Variants in SCUBE1 observed in about 807,000 individuals in gnomAD.
SCUBE1 encodes the protein signal peptide, CUB and EGF-like domain-containing protein 1.
A neutral mutation model predicts 124.4 loss-of-function variants in SCUBE1; 59 were observed. The observed-to-expected ratio is 0.47, with a 90% CI of 0.38 to 0.59. SCUBE1 has a LOEUF of 0.59. Ranked by LOEUF, SCUBE1 falls within the 20% of genes least tolerant of loss-of-function variation. SCUBE1 has a pLI of 0.00. For synonymous variants in SCUBE1, 545 were observed against 550.9 expected (o/e 0.99, Z 0.15); for missense variants, 1,150 against 1,371.2 (o/e 0.84, Z 2.55).
rs151314450 is a variant in SCUBE1, at chr22:43,231,969, C to G, written c.845-94G>C. 7.5e-4 allele frequency: 1,130 copies of G among 1,506,822 alleles called. 9 individuals carry two copies. The African/African-American group carries it at 0.014, about 19-fold the overall frequency. The allele number at this position is 1,506,822 out of a possible 1,614,324, so 93.3% of individuals were successfully genotyped here. A position where few individuals can be genotyped will look rare whatever the true frequency, so the allele number is the denominator to read the frequency against. ...GGCAGGCTAGCGGCAGGGGATGACACTGCCCTGAGTTGCCTGGTGCCCACT... is the reference window on the plus strand; with the variant it reads ...GGCAGGCTAGCGGCAGGGGATGACAGTGCCCTGAGTTGCCTGGTGCCCACT... On this transcript the variant is annotated intron_variant, in intron 7 of 21. Coordinates refer to ENST00000360835, the MANE Select transcript of SCUBE1 (RefSeq NM_173050.5).
rs1184554126 is a variant in SCUBE1, at chr22:43,202,072, T to C, written c.*1925A>G. 6.6e-6 allele frequency: 1 copy of C among 152,184 alleles called. No homozygotes were observed. Among genetic ancestry groups the C allele is most frequent in the Non-Finnish European group, 1.5e-5 (1 of 68,046 alleles). The allele number at this position is 152,184 out of a possible 1,614,324, so 9.4% of individuals were successfully genotyped here. A position where few individuals can be genotyped will look rare whatever the true frequency, so the allele number is the denominator to read the frequency against. ...GGCTCCACTCTCTCTCCGACTTGAG[T>C]TGGACTTCAGCAGAGAAGGCAGCTG... On this transcript the variant is annotated 3_prime_UTR_variant, in exon 22 of 22. Transcript: ENST00000360835.
intron 2 of SCUBE1, among the ~76,000 whole-genome samples, chr22:43,327,050 G>T (rs1926749562): frequency 6.6e-6 from 1 of 152,202 alleles, no homozygotes; most frequent in African/African-American, 2.4e-5. Context: ...TCAGAAACGA[G>T]CAGAGCCCGA....
chr22:43,291,709 C>T (rs1200533265), intron 3 of SCUBE1, among the ~76,000 whole-genome samples: 1 of 152,152 alleles, frequency 6.6e-6, no homozygotes, highest in Non-Finnish European at 1.5e-5. Flanking sequence ...GAGAGCAAGT[C>T]CTGGAAAGAG....
chr22:43,210,047 C>G lies in SCUBE1; in HGVS notation c.2577G>C (p.Lys859Asn). Reference sequence around the variant, plus strand: ...TCCCCTCGGCCCCCAACATACCACTCTTCCTCATGACCAGAACATCGCCGC... The same window carrying G: ...TCCCCTCGGCCCCCAACATACCACTGTTCCTCATGACCAGAACATCGCCGC... ...DECGDVLVMR[K>N]SASPTSITTY... Residue 859 changes from lysine to asparagine, a missense_variant, in exon 19 of 22, where the codon AAG becomes AAC. Around this residue, in one of 3 missense-constraint regions of SCUBE1, gnomAD observed 757 missense variants for 840.9 expected, o/e 0.90. Transcript: ENST00000360835. The surrounding 1 kb of genome is among the most constrained non-coding windows in gnomAD (Gnocchi z 4.5). The G allele has an allele frequency of 2.5e-6, 4 of 1,604,718 alleles. No homozygotes were observed. The highest frequency in any genetic ancestry group is 3.4e-6 in the Non-Finnish European group (4 of 1,175,224).
intron 3 of SCUBE1, among the ~76,000 whole-genome samples, chr22:43,293,244 T>A (rs569333681): frequency 6.6e-6 from 1 of 152,174 alleles, no homozygotes; most frequent in Non-Finnish European, 1.5e-5. Context: ...TGTGAGTGTT[T>A]ATTATGTGTT....
At chr22:43,270,590 C>T (rs1380034400) in intron 4 of SCUBE1, 1 of 152,276 alleles carries the variant, frequency 6.6e-6, no homozygotes, top group African/African-American at 2.4e-5. Context: ...AAGCCAAGGC[C>T]TGGCAGAGAC....
chr22:43,267,042 A>G (rs1924096877), intron 4 of SCUBE1, among the ~76,000 whole-genome samples: 1 of 152,200 alleles, frequency 6.6e-6, no homozygotes, highest in Non-Finnish European at 1.5e-5. Flanking sequence ...CGAGGTGACA[A>G]TATCGAGGGA....
Position 43,232,038 on chromosome 22 carries a change from G to A in SCUBE1, c.845-163C>T, listed in dbSNP as rs931003039. On this transcript the variant is annotated intron_variant, in intron 7 of 21. Coordinates refer to ENST00000360835, the MANE Select transcript of SCUBE1 (RefSeq NM_173050.5). ...CTCCCCAGCTGTGCAGAGGGGTGGG[G>A]GCCCTGTCTCGCAGGGGTCAGGGTC... 1.2e-4 allele frequency: 91 copies of A among 734,468 alleles called. 2 individuals carry two copies. The South Asian group carries it at 1.5e-3, about 12-fold the overall frequency. The allele number at this position is 734,468 out of a possible 1,614,324, so 45.5% of individuals were successfully genotyped here. A position where few individuals can be genotyped will look rare whatever the true frequency, so the allele number is the denominator to read the frequency against.
At chr22:43,278,721 C>T (rs902053825) in intron 4 of SCUBE1, among the ~76,000 whole-genome samples, 4 of 152,316 alleles carry the variant, frequency 2.6e-5, no homozygotes, top group South Asian at 2.1e-4. Context: ...AGAATCCAGC[C>T]CCTGATCCTG....
At chr22:43,315,758 AG>A (rs1019265945) in intron 3 of SCUBE1, among the ~76,000 whole-genome samples, 5 of 45,570 alleles carry the variant, frequency 1.1e-4, no homozygotes, top group South Asian at 7.3e-4. Context: ...GGGGCGGGGG[AG>A]GGGGGGAACC....
chr22:43,262,878 A>C, intron 4 of SCUBE1, 33 bp from the exon 5 acceptor site: 1 of 1,595,922 alleles, frequency 6.3e-7, no homozygotes, highest in South Asian at 1.1e-5. Context: ...GACGGGTTGA[A>C]GACCAGGCAG....
chr22:43,323,873 G>A (rs1257421290), intron 2 of SCUBE1, among the ~76,000 whole-genome samples: 1 of 152,132 alleles, frequency 6.6e-6, no homozygotes, highest in Non-Finnish European at 1.5e-5. Flanking sequence ...AAATAAATGA[G>A]GGTTGAAGAA....
At chr22:43,241,929 G>C (rs567106776) in intron 6 of SCUBE1, among the ~76,000 whole-genome samples, 1 of 152,240 alleles carries the variant, frequency 6.6e-6, no homozygotes, top group Non-Finnish European at 1.5e-5. Context: ...CCTTGGGCCC[G>C]CCCTCACCTC....
chr22:43,245,353 T>A, intron 6 of SCUBE1, among the ~76,000 whole-genome samples: 1 of 152,304 alleles, frequency 6.6e-6, no homozygotes, highest in East Asian at 1.9e-4. Context: ...ACTGGGCAAA[T>A]GGTCAATCCT....
intron 4 of SCUBE1, among the ~76,000 whole-genome samples, chr22:43,266,894 C>T (rs1227577804): frequency 6.6e-6 from 1 of 152,220 alleles, no homozygotes; most frequent in African/African-American, 2.4e-5. Flanking sequence ...CCTCTTTTGA[C>T]CTTCCACGGC....
Position 43,237,504 on chromosome 22 carries a change from G to A in SCUBE1, c.844+1334C>T, listed in dbSNP as rs190191316. On this transcript the variant is annotated intron_variant, in intron 7 of 21. Transcript: ENST00000360835. ...GTCACTCCTGGCACTGAGTCATGTG[G>A]CGAGGACTCAGATGCCACCCACCTG... 4 of 152,326 alleles carry A rather than the reference G, an allele frequency of 2.6e-5. No individual in the cohort carries two copies. In the East Asian group the frequency reaches 7.7e-4, roughly 29 times the overall value. The allele number at this position is 152,326 out of a possible 1,614,324, so 9.4% of individuals were successfully genotyped here. A position where few individuals can be genotyped will look rare whatever the true frequency, so the allele number is the denominator to read the frequency against.
chr22:43,290,784 GC>G, intron 4 of SCUBE1, among the ~76,000 whole-genome samples: 1 of 152,352 alleles, frequency 6.6e-6, no homozygotes, highest in South Asian at 2.1e-4. Flanking sequence ...AAGGAAAACA[GC>G]TCCTCTGGTC....
intron 6 of SCUBE1, among the ~76,000 whole-genome samples, chr22:43,239,496 TCTCA>T (rs1185493663): frequency 3.9e-5 from 6 of 152,390 alleles, no homozygotes; most frequent in Admixed American, 1.3e-4. Context: ...CAACATCTGT[TCTCA>T]CTGAGTGATA....
chr22:43,298,130 T>C (rs1925633597), intron 3 of SCUBE1, among the ~76,000 whole-genome samples: 1 of 152,234 alleles, frequency 6.6e-6, no homozygotes, highest in Non-Finnish European at 1.5e-5. Context: ...TTGCATTTGA[T>C]GAGTTAAGTG....
Sources: gnomAD v4.1 joint callset for allele counts (sites outside exome capture counted in the v4.1 genomes callset) on GRCh38, gnomAD v4.1.1 for gene constraint, gnomAD v4.1.1 regional missense constraint, Gnocchi (gnomAD v3.1) non-coding constraint, MANE v1.5 for transcripts, NCBI Gene and HGNC (gene_info 2026-07-23, HGNC 2026-07-21) for gene names.